The following GLI2 variants were observed in gnomAD, a reference collection of about 807,000 sequenced individuals.
The protein encoded by GLI2 is GLI family zinc finger 2, also known as transcription activator GLI2.
A neutral mutation model predicts 78.9 loss-of-function variants in GLI2; 22 were observed. The ratio of observed to expected loss-of-function variants is 0.28; its 90% CI spans 0.20 to 0.40. GLI2 has a LOEUF of 0.40. Among genes scored for constraint, GLI2 ranks in the 10% least tolerant of loss-of-function variants. The probability of loss-of-function intolerance (pLI) is 1.00; values close to 1 mark genes in which losing one functional copy is unlikely to be tolerated. For missense variants in GLI2, 2,097 were observed against 2,213.2 expected, an observed-to-expected ratio of 0.95 and a Z score of 1.05; for synonymous variants, 974 against 963.7, an observed-to-expected ratio of 1.01 and a Z score of -0.20.
At chr2:120,910,214 G>A (rs1244766468) in intron 2 of GLI2, among the ~76,000 whole-genome samples, 8 of 152,160 alleles carry the variant, frequency 5.3e-5, no homozygotes, top group Admixed American at 4.6e-4. Flanking sequence ...CTAACAAGCC[G>A]TTTGGGGCCT....
intron 8 of GLI2, among the ~76,000 whole-genome samples, chr2:120,974,251 T>A (rs1253109721): frequency 1.3e-5 from 2 of 152,112 alleles, no homozygotes; most frequent in East Asian, 3.9e-4. Flanking sequence ...CCTCTCCCTG[T>A]GCCCCGACCC....
At chr2:120,886,161 T>C (rs1416625354) in intron 2 of GLI2, among the ~76,000 whole-genome samples, 4 of 3,528 alleles carry the variant, frequency 1.1e-3, no homozygotes, top group Admixed American at 9.0e-3. Flanking sequence ...TTTTCCAAAG[T>C]GTGTGTGTGT....
intron 2 of GLI2, among the ~76,000 whole-genome samples, chr2:120,836,076 G>A (rs938209664): frequency 6.6e-6 from 1 of 152,170 alleles, no homozygotes; most frequent in African/African-American, 2.4e-5. Flanking sequence ...TGTCAGTGAT[G>A]ACACAGCCCT....
At chr2:120,975,515 T>A (rs1013636524) in intron 9 of GLI2, among the ~76,000 whole-genome samples, 1 of 152,028 alleles carries the variant, frequency 6.6e-6, no homozygotes, top group African/African-American at 2.4e-5. Context: ...ATCTACACAA[T>A]AATAAGTGAA....
At chr2:120,872,355 C>G (rs556510895) in intron 2 of GLI2, among the ~76,000 whole-genome samples, 2 of 152,334 alleles carry the variant, frequency 1.3e-5, no homozygotes, top group East Asian at 3.9e-4. Context: ...GTGGGGTCCC[C>G]TGGAATGGTG....
At chr2:120,797,725 G>A (rs186902701) in intron 2 of GLI2, among the ~76,000 whole-genome samples, 126 of 152,142 alleles carry the variant, frequency 8.3e-4, no homozygotes, top group African/African-American at 2.9e-3. Flanking sequence ...TACTGGGAGG[G>A]GAGAGAGGGA....
At chr2:120,849,158 C>T (rs796569456) in intron 2 of GLI2, among the ~76,000 whole-genome samples, 30 of 152,214 alleles carry the variant, frequency 2.0e-4, no homozygotes, top group African/African-American at 5.3e-4. Flanking sequence ...AAAGTAGAAT[C>T]GCAGCTGTCA....
chr2:120,750,926 C>G (rs551500352), intron 1 of GLI2, among the ~76,000 whole-genome samples: 1 of 152,246 alleles, frequency 6.6e-6, no homozygotes, highest in Non-Finnish European at 1.5e-5. Context: ...GGGGATGCCC[C>G]GGTACCGCCT....
intron 2 of GLI2, among the ~76,000 whole-genome samples, chr2:120,904,160 G>A (rs1678401336): frequency 6.6e-6 from 1 of 152,152 alleles, no homozygotes; most frequent in Admixed American, 6.5e-5. Context: ...GGAGGATGGA[G>A]ACCCCTGAGT....
chr2:120,747,340 A>T (rs1196613766), intron 1 of GLI2, among the ~76,000 whole-genome samples: 2 of 152,172 alleles, frequency 1.3e-5, no homozygotes, highest in Admixed American at 1.3e-4. Flanking sequence ...CAATTTGCAG[A>T]TGGGTAAGCA....
At chr2:120,957,723 G>A (rs376535286) in intron 5 of GLI2, among the ~76,000 whole-genome samples, 8 of 152,356 alleles carry the variant, frequency 5.3e-5, no homozygotes, top group African/African-American at 1.7e-4. Context: ...GCGTCTGTGT[G>A]TGCACGTGTG....
At chr2:120,746,064 A>G (rs1472777220) in intron 1 of GLI2, among the ~76,000 whole-genome samples, 2 of 152,084 alleles carry the variant, frequency 1.3e-5, no homozygotes, top group African/African-American at 4.8e-5. Flanking sequence ...TGCCCAGCCC[A>G]TCTGTTTTAC....
chr2:120,988,890 C>T lies in GLI2; in HGVS notation c.2925C>T (p.Asn975=), dbSNP rs759031735. The T allele has an allele frequency of 8.0e-6, 12 of 1,506,184 alleles. No homozygotes were observed. The highest frequency in any genetic ancestry group is 3.5e-4 in the Middle Eastern group (2 of 5,750). 93.3% of individuals were successfully genotyped at this position (1,506,184 alleles called of 1,614,324 possible). A position where few individuals can be genotyped will look rare whatever the true frequency, so the allele number is the denominator to read the frequency against. Residue 975 remains asparagine, a synonymous_variant, in exon 14 of 14, where the codon AAC becomes AAT. Coordinates refer to ENST00000361492, the MANE Select transcript of GLI2 (RefSeq NM_001374353.1). ...PRVQRFHSTH[N]VNPGPLPPCA... is the part of the protein sequence containing the mutation. Reference sequence around the variant, plus strand: ...TGCAGCGCTTCCACAGCACCCACAACGTGAACCCCGGCCCGCTGCCGCCCT... The same window carrying T: ...TGCAGCGCTTCCACAGCACCCACAATGTGAACCCCGGCCCGCTGCCGCCCT...
At chr2:120,900,829 A>G (rs1030665627) in intron 2 of GLI2, among the ~76,000 whole-genome samples, 1 of 152,178 alleles carries the variant, frequency 6.6e-6, no homozygotes, top group African/African-American at 2.4e-5. Context: ...GCTGACTTCC[A>G]TGTTCAGGTT....
chr2:120,838,633 A>G (rs1031465749), intron 2 of GLI2, among the ~76,000 whole-genome samples: 1 of 152,258 alleles, frequency 6.6e-6, no homozygotes, highest in African/African-American at 2.4e-5. Context: ...TGGGAAATTT[A>G]TAAAGAAAAG....
rs60150148 is a variant in GLI2 at position 120,823,895 on chromosome 2, G to A, written c.148+26427G>A. Among the ~76,000 whole-genome samples the A allele has an allele frequency of 8.9e-3, 1,351 of 152,328 alleles. 21 individuals are homozygous for A. The highest frequency in any genetic ancestry group is 0.031 in the African/African-American group (1,278 of 41,558). ...CCACAAAAGGGTTCACATTCCTGGT[G>A]GCCCTGCCATTCCACGTCACTGTGT... is the stretch of plus-strand genomic sequence containing the variant. On this transcript the variant is annotated intron_variant, in intron 2 of 13. Transcript: ENST00000361492.
At chr2:120,812,876 G>T (rs1479441595) in intron 2 of GLI2, among the ~76,000 whole-genome samples, 1 of 152,172 alleles carries the variant, frequency 6.6e-6, no homozygotes, top group Admixed American at 6.5e-5. Flanking sequence ...TCCACATGGG[G>T]GATGCTTCAC....
At chr2:120,824,788 A>G (rs1353073638) in intron 2 of GLI2, among the ~76,000 whole-genome samples, 1 of 152,222 alleles carries the variant, frequency 6.6e-6, no homozygotes, top group Non-Finnish European at 1.5e-5. Context: ...CTCCCTTGTC[A>G]GTGACACACC....
At chr2:120,910,955 C>A (rs979004993) in intron 2 of GLI2, among the ~76,000 whole-genome samples, 2 of 152,248 alleles carry the variant, frequency 1.3e-5, no homozygotes, top group African/African-American at 4.8e-5. Flanking sequence ...TGGTGCTCCA[C>A]CTCCTTACCA....
Sources: gnomAD v4.1 joint callset for allele counts (sites outside exome capture counted in the v4.1 genomes callset) on GRCh38, gnomAD v4.1.1 for gene constraint, MANE v1.5 for transcripts, NCBI Gene and HGNC (gene_info 2026-07-23, HGNC 2026-07-21) for gene names.